Variants in NLRP11 observed in about 807,000 individuals in gnomAD.
NLRP11 encodes the protein NLR family pyrin domain containing 11.
NLRP11 carries 53 observed loss-of-function variants against 79.3 expected under a neutral mutation model. That is an observed-to-expected ratio of 0.67 (90% CI 0.54 to 0.84). NLRP11 has a LOEUF of 0.84. Among genes scored for constraint, NLRP11 ranks in the 40% least tolerant of loss-of-function variants. The probability of loss-of-function intolerance (pLI) is 0.00; values close to 1 mark genes in which losing one functional copy is unlikely to be tolerated. For missense variants in NLRP11, 1,264 were observed against 1,255.0 expected (o/e 1.01, Z -0.11); for synonymous variants, 518 against 462.6 (o/e 1.12, Z -1.54).
At chr19:55,802,808 A>C (rs1333735917) in intron 4 of NLRP11, among the ~76,000 whole-genome samples, 1 of 152,206 alleles carries the variant, frequency 6.6e-6, no homozygotes, top group Non-Finnish European at 1.5e-5. Context: ...GTACTGGTAC[A>C]AAAACAGACA....
upstream of NLRP11, among the ~76,000 whole-genome samples, chr19:55,834,531 G>C (rs1983068740): frequency 6.6e-6 from 1 of 152,202 alleles, no homozygotes; most frequent in Admixed American, 6.5e-5. Flanking sequence ...ATTCAACTGT[G>C]CATGATGCTA....
chr19:55,812,251 G>A (rs938500460), intron 2 of NLRP11, among the ~76,000 whole-genome samples: 1 of 152,112 alleles, frequency 6.6e-6, no homozygotes. Context: ...AGAATCAGAT[G>A]GATGCTCTGT....
rs980154328 is a variant in NLRP11 at position 55,808,134 on chromosome 19, G to A, written c.1842-120C>T. On this transcript the variant is annotated intron_variant, in intron 3 of 9. Coordinates refer to ENST00000589093, the Ensembl canonical transcript of NLRP11. ...TTGTCTGACTCAGATTTAATACCATGCAGCAAGAAATAAAGTAGGGTCAAA... is the reference window on the plus strand; with the variant it reads ...TTGTCTGACTCAGATTTAATACCATACAGCAAGAAATAAAGTAGGGTCAAA... 2.6e-5 allele frequency: 16 copies of A among 615,142 alleles called. 1 individual carries two copies. The highest frequency in any genetic ancestry group is 4.4e-4 in the Middle Eastern group (1 of 2,254). 38.1% of individuals were successfully genotyped at this position (615,142 alleles called of 1,614,324 possible).
chr19:55,798,477 T>C (rs572662230), intron 5 of NLRP11: 7 of 244,090 alleles, frequency 2.9e-5, no homozygotes, highest in East Asian at 1.8e-4. Context: ...CATGGACACA[T>C]AGAGGGGAAC....
chr19:55,799,487 G>A (rs1448370279), intron 5 of NLRP11, among the ~76,000 whole-genome samples: 1 of 152,088 alleles, frequency 6.6e-6, no homozygotes, highest in Non-Finnish European at 1.5e-5. Context: ...GATGACTGAG[G>A]AGGAATAATC....
chr19:55,823,119 A>G (rs918233587), intron 1 of NLRP11, among the ~76,000 whole-genome samples: 1 of 146,810 alleles, frequency 6.8e-6, no homozygotes, highest in African/African-American at 2.6e-5. Context: ...ACCCCCAAGC[A>G]GCCTAACTGG....
At chr19:55,811,370 G>C (rs886113738) in intron 2 of NLRP11, among the ~76,000 whole-genome samples, 1 of 152,196 alleles carries the variant, frequency 6.6e-6, no homozygotes, top group East Asian at 1.9e-4. Context: ...TTAGTGAGCA[G>C]ATACTTGAAA....
intron 4 of NLRP11, among the ~76,000 whole-genome samples, chr19:55,805,354 C>A (rs1979886206): frequency 6.6e-6 from 1 of 151,968 alleles, no homozygotes; most frequent in Admixed American, 6.6e-5. Flanking sequence ...AGGCATAGAA[C>A]ACACGGGAAG....
At chr19:55,785,815 T>C (rs753740562) in exon 10 of NLRP11, 1 of 1,614,172 alleles carries the variant, frequency 6.2e-7, no homozygotes, top group Admixed American at 1.7e-5. Flanking sequence ...GGGTTTTCTT[T>C]CCTTTACAGT....
chr19:55,818,131 A>G (rs778065604), exon 2 of NLRP11: 1 of 1,614,076 alleles, frequency 6.2e-7, no homozygotes, highest in Non-Finnish European at 8.5e-7. Context: ...GAGATTCTCT[A>G]GATACCACAG....
chr19:55,795,688 C>T lies in NLRP11; in HGVS notation c.2342+392G>A, dbSNP rs564086988. Among the ~76,000 whole-genome samples, 326 of 152,212 alleles carry T rather than the reference C, an allele frequency of 2.1e-3. 1 individual carries two copies. Among genetic ancestry groups the T allele is most frequent in the Admixed American group, 3.3e-3 (51 of 15,280 alleles). On this transcript the variant is annotated intron_variant, in intron 6 of 9. Coordinates refer to ENST00000589093, the Ensembl canonical transcript of NLRP11. The stretch of plus-strand genomic sequence containing the variant: ...TATTTTTAGTAGAGACAGGGTTTCA[C>T]TGTGTTGGCCAGGCTGGTCTTGAAC...
chr19:55,828,552 G>A (rs1411606606), intron 1 of NLRP11, among the ~76,000 whole-genome samples: 1 of 152,144 alleles, frequency 6.6e-6, no homozygotes, highest in Non-Finnish European at 1.5e-5. Flanking sequence ...ACATGTGTAA[G>A]GCCACTGCAG....
intron 1 of NLRP11, among the ~76,000 whole-genome samples, chr19:55,824,191 C>A (rs2122911318): frequency 7.0e-6 from 1 of 143,708 alleles, no homozygotes; most frequent in South Asian, 2.2e-4. Flanking sequence ...AGAAATAAAA[C>A]ACTTTACAGA....
chr19:55,822,909 C>G (rs1981922035), intron 1 of NLRP11, among the ~76,000 whole-genome samples: 2 of 152,348 alleles, frequency 1.3e-5, no homozygotes, highest in Middle Eastern at 3.4e-3. Flanking sequence ...GGGGAGCCCA[C>G]CACAGCTCAA....
Position 55,819,478 on chromosome 19 carries a change from C to T in NLRP11, c.-62-1242G>A, listed in dbSNP as rs10460184. Reference sequence around the variant, plus strand: ...CTCCGTCACGAGAAGTTGAGATTGCCGAGTTGTGACTAAAGAATCCATTCC... The same window carrying T: ...CTCCGTCACGAGAAGTTGAGATTGCTGAGTTGTGACTAAAGAATCCATTCC... On this transcript the variant is annotated intron_variant, in intron 1 of 9. Transcript: ENST00000589093. Among the ~76,000 whole-genome samples, 34 of 152,168 alleles carry T rather than the reference C, an allele frequency of 2.2e-4. No individual in the cohort carries two copies. The East Asian group carries it at 6.0e-3, about 27-fold the overall frequency.
At chr19:55,817,608 G>C (rs1005241233) in intron 2 of NLRP11, among the ~76,000 whole-genome samples, 1 of 152,064 alleles carries the variant, frequency 6.6e-6, no homozygotes, top group African/African-American at 2.4e-5. Flanking sequence ...CTCTTAAGTG[G>C]GAGCTAAGCT....
chr19:55,810,783 C>A (rs900409268), intron 2 of NLRP11, among the ~76,000 whole-genome samples: 1 of 152,226 alleles, frequency 6.6e-6, no homozygotes, highest in African/African-American at 2.4e-5. Context: ...CAGGCATGAG[C>A]CACTGCGCCC....
chr19:55,820,504 G>C (rs931463410), intron 1 of NLRP11, among the ~76,000 whole-genome samples: 1 of 152,040 alleles, frequency 6.6e-6, no homozygotes, highest in Non-Finnish European at 1.5e-5. Flanking sequence ...GCTCAGTATC[G>C]GGTCTGAGGA....
chr19:55,804,831 G>A (rs541678892), intron 4 of NLRP11, among the ~76,000 whole-genome samples: 50 of 152,228 alleles, frequency 3.3e-4, no homozygotes, highest in Non-Finnish European at 5.9e-4. Flanking sequence ...TTGGGAGGCC[G>A]AGACAGGTGG....
Sources: allele counts gnomAD v4.1 joint callset (sites outside exome capture counted in the v4.1 genomes callset), GRCh38; gene constraint gnomAD v4.1.1; transcripts MANE v1.5; gene names NCBI Gene and HGNC (gene_info 2026-07-23, HGNC 2026-07-21).